Variants in CACNA2D4 observed in about 807,000 individuals in gnomAD.
CACNA2D4 encodes calcium voltage-gated channel auxiliary subunit alpha2delta 4.
Under a neutral mutation model 163.8 loss-of-function variants are expected in CACNA2D4, and 157 were observed. That is an observed-to-expected ratio of 0.96 (90% CI 0.84 to 1.09). CACNA2D4 has a LOEUF of 1.09. CACNA2D4 is among the 50% of genes least tolerant of loss of function. The probability of loss-of-function intolerance (pLI) is 0.00; values close to 1 mark genes in which losing one functional copy is unlikely to be tolerated. For synonymous variants in CACNA2D4, 598 were observed against 586.9 expected, an observed-to-expected ratio of 1.02 and a Z score of -0.27; for missense variants, 1,410 against 1,479.9, an observed-to-expected ratio of 0.95 and a Z score of 0.78.
chr12:1,842,275 G>A (rs1262816887), intron 25 of CACNA2D4, among the ~76,000 whole-genome samples: 3 of 152,126 alleles, frequency 2.0e-5, no homozygotes, highest in African/African-American at 4.8e-5. Context: ...TGCTGTGTGC[G>A]GACAGGTTTC....
At chr12:1,794,032 G>C (rs1863044683) in intron 37 of CACNA2D4, among the ~76,000 whole-genome samples, 1 of 152,188 alleles carries the variant, frequency 6.6e-6, no homozygotes. Flanking sequence ...AACTCTGGGA[G>C]CATCTCTGAT....
Position 1,797,341 on chromosome 12 carries a change from G to A in CACNA2D4, c.3113+77C>T, listed in dbSNP as rs551284271. On this transcript the variant is annotated intron_variant, in intron 35 of 37. Transcript: ENST00000382722. ...GTGGAGCCGTTTCCCGGGGGTTCCG[G>A]GGCCCTGCCCGCACTTCCGCCTTGC... 1.4e-4 allele frequency: 155 copies of A among 1,091,448 alleles called. No homozygotes were observed. In the African/African-American group the frequency reaches 2.3e-3, roughly 16 times the overall value. The allele number at this position is 1,091,448 out of a possible 1,614,324, so 67.6% of individuals were successfully genotyped here.
intron 4 of CACNA2D4, 49 bp downstream of exon 4, chr12:1,909,857 A>G (rs748306375): frequency 6.5e-7 from 1 of 1,545,132 alleles, no homozygotes; most frequent in Non-Finnish European, 8.9e-7. Flanking sequence ...CATATCTGGT[A>G]CTCAGGCGAT....
chr12:1,856,982 C>T (rs188261796), intron 20 of CACNA2D4, among the ~76,000 whole-genome samples: 7 of 152,344 alleles, frequency 4.6e-5, no homozygotes, highest in African/African-American at 1.7e-4. Flanking sequence ...GACCAGGAGA[C>T]TCCGGGATTC....
At chr12:1,877,555 T>C (rs1311550499) in intron 16 of CACNA2D4, among the ~76,000 whole-genome samples, 1 of 152,226 alleles carries the variant, frequency 6.6e-6, no homozygotes, top group Non-Finnish European at 1.5e-5. Flanking sequence ...ATGGAATGAA[T>C]GGAGTGTGGC....
chr12:1,799,830 C>G lies in CACNA2D4; in HGVS notation c.2975-135G>C, dbSNP rs1413478156. ...TCCCAAGATGATGTCACACACAGAG[C>G]CAGGAGTGAGGGATGTGATGAGAGA... On this transcript the variant is annotated intron_variant, in intron 33 of 37. Transcript: ENST00000382722. This position sits in a 1 kb window ranked among gnomAD's most constrained non-coding sequence, Gnocchi z 4.7. 1 of 1,313,076 alleles carries G rather than the reference C, an allele frequency of 7.6e-7. No individual in the cohort carries two copies. Among genetic ancestry groups the G allele is most frequent in the African/African-American group, 1.5e-5 (1 of 68,312 alleles). 81.3% of individuals were successfully genotyped at this position (1,313,076 alleles called of 1,614,324 possible). A position where few individuals can be genotyped will look rare whatever the true frequency, so the allele number is the denominator to read the frequency against.
rs1863246133 is a variant in CACNA2D4, at chr12:1,799,715, AGCACAGGGTGGACACG to A, written c.2975-36_2975-21del. On this transcript the variant is annotated intron_variant, in intron 33 of 37. Transcript: ENST00000382722. This position sits in a 1 kb window ranked among gnomAD's most constrained non-coding sequence, Gnocchi z 4.7. The stretch of plus-strand genomic sequence containing the variant: ...TTTTGGCTGGCCGGAACATAAGCCC[AGCACAGGGTGGACACG>A]GCACAGGAAAACATGGTGGCACATG... 1 of 1,568,046 alleles carries A rather than the reference AGCACAGGGTGGACACG, an allele frequency of 6.4e-7. No homozygotes were observed. The highest frequency in any genetic ancestry group is 1.4e-5 in the African/African-American group (1 of 73,674).
chr12:1,885,964 C>G lies in CACNA2D4; in HGVS notation c.1068+1G>C, dbSNP rs1284718291. On this transcript the variant is annotated splice_donor_variant, in intron 9 of 37. Coordinates refer to ENST00000382722, the MANE Select transcript of CACNA2D4 (RefSeq NM_172364.5). LOFTEE classifies it high-confidence loss of function. ...AGTCTCAGGCCACCGTGGACACTCA[C>G]CTCTCGATTGTCTCGGTCCGCCTGG... 7 of 1,610,404 alleles carry G rather than the reference C, an allele frequency of 4.3e-6. No individual in the cohort carries two copies. In the Admixed American group the frequency reaches 1.2e-4, roughly 27 times the overall value.
intron 26 of CACNA2D4, among the ~76,000 whole-genome samples, chr12:1,832,075 GA>G (rs1163510629): frequency 6.6e-6 from 1 of 152,184 alleles, no homozygotes. Context: ...ACTTTAAGAA[GA>G]AGTCAAATGG....
chr12:1,816,434 C>T (rs1170470120), intron 26 of CACNA2D4, among the ~76,000 whole-genome samples: 1 of 151,964 alleles, frequency 6.6e-6, no homozygotes, highest in Non-Finnish European at 1.5e-5. Flanking sequence ...AATCTCAGAC[C>T]CCTTCCTGCC....
chr12:1,857,551 C>T (rs974480775), intron 20 of CACNA2D4, among the ~76,000 whole-genome samples: 1 of 152,156 alleles, frequency 6.6e-6, no homozygotes, highest in Non-Finnish European at 1.5e-5. Flanking sequence ...CAGCAGATAG[C>T]AGAGGGTAGT....
Position 1,846,647 on chromosome 12 carries a change from C to G in CACNA2D4, c.2289G>C (p.Arg763=), listed in dbSNP as rs1865151354. The G allele has an allele frequency of 6.2e-7, 1 of 1,604,726 alleles. No individual in the cohort carries two copies. The highest frequency in any genetic ancestry group is 1.3e-5 in the African/African-American group (1 of 74,824). Residue 763 remains arginine (R), a synonymous_variant, in exon 24 of 38, where the codon CGG becomes CGC. Coordinates refer to ENST00000382722, the MANE Select transcript of CACNA2D4 (RefSeq NM_172364.5). The part of the protein sequence containing the change: ...HVVDMAFLGT[R]AGLLRSSLFV... ...ACAAGCTGCTTCTCAGGAGGCCAGC[C>G]CGGGTGCCCAGGAAGGCCATGTCCA... is the stretch of plus-strand genomic sequence containing the variant.
Position 1,797,432 on chromosome 12 carries a change from G to A in CACNA2D4, c.3099C>T (p.Cys1033=), listed in dbSNP as rs767020808. The A allele has an allele frequency of 2.6e-6, 4 of 1,551,668 alleles. No homozygotes were observed. Among genetic ancestry groups the A allele is most frequent in the East Asian group, 2.4e-5 (1 of 41,784 alleles). The change falls in exon 35 of 38, where the codon TGC becomes TGT. Residue 1033 remains cysteine, a synonymous_variant. Transcript: ENST00000382722. Reference sequence around the variant, plus strand: ...TGCGGTCTTACTTCTGGCAGGGCCCGCACTCCACGATCCCGTTGGCCTCCC... The same window carrying A: ...TGCGGTCTTACTTCTGGCAGGGCCCACACTCCACGATCCCGTTGGCCTCCC... The part of the protein sequence containing the change: ...AIREANGIVE[C]GPCQKVFVVQ...
chr12:1,794,552 A>G (rs755514427), intron 37 of CACNA2D4, among the ~76,000 whole-genome samples: 2 of 152,142 alleles, frequency 1.3e-5, no homozygotes, highest in African/African-American at 2.4e-5. Flanking sequence ...CTGTAAATCT[A>G]GGGTTCCCAT....
rs948258593 is a variant in CACNA2D4 at position 1,798,650 on chromosome 12, C to T, written c.2995+1025G>A. Reference sequence around the variant, plus strand: ...CCGGCCTGGGACTCCAAGTCCAGTGCGCCTTCACTGGGGACACTGACATCT... The same window carrying T: ...CCGGCCTGGGACTCCAAGTCCAGTGTGCCTTCACTGGGGACACTGACATCT... On this transcript the variant is annotated intron_variant, in intron 34 of 37. Coordinates refer to ENST00000382722, the MANE Select transcript of CACNA2D4 (RefSeq NM_172364.5). The surrounding 1 kb of genome is among the most constrained non-coding windows in gnomAD (Gnocchi z 4.3). Among the ~76,000 whole-genome samples the T allele has an allele frequency of 3.3e-5, 5 of 152,190 alleles. No homozygotes were observed. Among genetic ancestry groups the T allele is most frequent in the East Asian group, 1.9e-4 (1 of 5,186 alleles).
intron 22 of CACNA2D4, among the ~76,000 whole-genome samples, chr12:1,855,324 G>A (rs2154448333): frequency 6.6e-6 from 1 of 152,274 alleles, no homozygotes; most frequent in African/African-American, 2.4e-5. Flanking sequence ...GGGTTGGCAT[G>A]GGAGGCAGTC....
chr12:1,851,423 C>T lies in CACNA2D4; in HGVS notation c.2246+2528G>A, dbSNP rs113968263. Among the ~76,000 whole-genome samples the T allele has an allele frequency of 9.5e-3, 1,443 of 152,248 alleles. 8 individuals are homozygous for T. Among genetic ancestry groups the T allele is most frequent in the Non-Finnish European group, 0.014 (940 of 68,026 alleles). On this transcript the variant is annotated intron_variant, in intron 23 of 37. Coordinates refer to ENST00000382722, the MANE Select transcript of CACNA2D4 (RefSeq NM_172364.5). ...ATCATTCTCCATATGGCTCTCAAAC[C>T]GGTTATTTAAAAATCCATCTTTCCT...
chr12:1,851,695 TC>T (rs752828787), intron 23 of CACNA2D4, among the ~76,000 whole-genome samples: 534 of 19,980 alleles, frequency 0.027, 15 homozygotes, highest in South Asian at 0.2. Flanking sequence ...TTTTTTTTTT[TC>T]CAGAGATTTC....
chr12:1,810,691 A>C, intron 27 of CACNA2D4, 104 bp from the exon 28 acceptor site: 1 of 1,161,106 alleles, frequency 8.6e-7, no homozygotes. Context: ...GTGTGTGTGC[A>C]TGTGTGCATG....
Sources: allele counts gnomAD v4.1 joint callset (sites outside exome capture counted in the v4.1 genomes callset), GRCh38; gene constraint gnomAD v4.1.1; non-coding constraint Gnocchi (gnomAD v3.1); transcripts MANE v1.5; gene names NCBI Gene and HGNC (gene_info 2026-07-23, HGNC 2026-07-21).